SGCZ: variants seen among roughly 807,000 people sequenced by gnomAD.
SGCZ encodes the protein sarcoglycan zeta.
A neutral mutation model predicts 41.3 loss-of-function variants in SGCZ; 40 were observed. The ratio of observed to expected loss-of-function variants is 0.97; its 90% CI spans 0.75 to 1.26. The LOEUF (loss-of-function observed/expected upper bound fraction) is 1.26. Ranked by LOEUF, SGCZ falls within the 50% of genes most tolerant of loss-of-function variation. SGCZ has a pLI of 0.00. For missense variants in SGCZ, 552 were observed against 369.8 expected, an observed-to-expected ratio of 1.49 and a Z score of -4.04; for synonymous variants, 206 against 137.5, an observed-to-expected ratio of 1.50 and a Z score of -3.49.
At chr8:14,923,308 A>G (rs913704631) in intron 1 of SGCZ, among the ~76,000 whole-genome samples, 1 of 152,098 alleles carries the variant, frequency 6.6e-6, no homozygotes, top group Admixed American at 6.5e-5. Context: ...TAAGATGGAA[A>G]TTTTTTCCAT....
intron 3 of SGCZ, among the ~76,000 whole-genome samples, chr8:14,318,496 A>G (rs2117017889): frequency 6.6e-6 from 1 of 152,098 alleles, no homozygotes; most frequent in Non-Finnish European, 1.5e-5. Flanking sequence ...CTCCAGAAAC[A>G]TATTAATGAA....
At chr8:14,864,060 T>C (rs1479098456) in intron 1 of SGCZ, among the ~76,000 whole-genome samples, 1 of 152,158 alleles carries the variant, frequency 6.6e-6, no homozygotes, top group Non-Finnish European at 1.5e-5. Context: ...CATCAATATA[T>C]TTCCTGGTAG....
At chr8:14,534,957 G>A (rs1204296941) in intron 2 of SGCZ, among the ~76,000 whole-genome samples, 1 of 151,962 alleles carries the variant, frequency 6.6e-6, no homozygotes, top group Non-Finnish European at 1.5e-5. Flanking sequence ...AATCGATAAT[G>A]CAAGAATGAC....
chr8:14,609,909 A>C (rs1805871789), intron 1 of SGCZ, among the ~76,000 whole-genome samples: 1 of 152,196 alleles, frequency 6.6e-6, no homozygotes, highest in Non-Finnish European at 1.5e-5. Flanking sequence ...AGCTTTGAGC[A>C]CCCTAATTTG....
chr8:14,091,753 C>T (rs1400351017), intron 7 of SGCZ, among the ~76,000 whole-genome samples: 3 of 152,092 alleles, frequency 2.0e-5, no homozygotes, highest in African/African-American at 7.2e-5. Context: ...GGACAGATTG[C>T]AAAAATTTTC....
At chr8:15,036,823 C>G (rs886813779) in intron 1 of SGCZ, among the ~76,000 whole-genome samples, 1 of 152,024 alleles carries the variant, frequency 6.6e-6, no homozygotes, top group Non-Finnish European at 1.5e-5. Flanking sequence ...CCCTGATTAA[C>G]ATAGGTGCAA....
chr8:15,168,468 A>T (rs268403), intron 1 of SGCZ, among the ~76,000 whole-genome samples: 61 of 152,188 alleles, frequency 4.0e-4, no homozygotes, highest in African/African-American at 1.2e-3. Context: ...AGCTCCCCCC[A>T]CAACCCAACC....
rs191256793 is a variant in SGCZ at position 15,068,713 on chromosome 8, T to C, written c.39+168872A>G. On this transcript the variant is annotated intron_variant, in intron 1 of 7. Transcript: ENST00000382080. ...AGTGGATGTTTTAAAGAAGAAAGTA[T>C]CTATTTGCAAAAATCTTCAAAGATA... Among the ~76,000 whole-genome samples, 438 of 152,320 alleles carry C rather than the reference T, an allele frequency of 2.9e-3. 2 individuals carry two copies. Among genetic ancestry groups the C allele is most frequent in the African/African-American group, 8.7e-3 (363 of 41,580 alleles).
intron 5 of SGCZ, among the ~76,000 whole-genome samples, chr8:14,108,693 C>G (rs899062856): frequency 1.4e-4 from 22 of 152,150 alleles, no homozygotes; most frequent in African/African-American, 5.3e-4. Context: ...AGAGAGGACA[C>G]AGAGCCAAAC....
chr8:14,771,817 T>C (rs1800249632), intron 1 of SGCZ, among the ~76,000 whole-genome samples: 1 of 152,142 alleles, frequency 6.6e-6, no homozygotes, highest in East Asian at 1.9e-4. Context: ...ATAATTTGCA[T>C]TGAATACTAA....
chr8:15,230,052 A>T (rs17121159), intron 1 of SGCZ, among the ~76,000 whole-genome samples: 17,803 of 152,164 alleles, frequency 0.12, 1,577 homozygotes, highest in African/African-American at 0.25. Context: ...TTTGAAGTAA[A>T]CCGGAATGTG....
intron 1 of SGCZ, among the ~76,000 whole-genome samples, chr8:14,697,331 C>G (rs773760221): frequency 5.9e-5 from 9 of 151,976 alleles, no homozygotes; most frequent in Non-Finnish European, 1.2e-4. Context: ...TGAAACTAAT[C>G]ATACCTATCT....
chr8:15,025,221 G>A (rs886177005), intron 1 of SGCZ, among the ~76,000 whole-genome samples: 4 of 152,124 alleles, frequency 2.6e-5, no homozygotes, highest in Non-Finnish European at 2.9e-5. Flanking sequence ...TGAGCTTCCC[G>A]CACACACACA....
chr8:14,895,247 C>T (rs1805153247), intron 1 of SGCZ, among the ~76,000 whole-genome samples: 1 of 152,160 alleles, frequency 6.6e-6, no homozygotes, highest in African/African-American at 2.4e-5. Context: ...AATCCTACCT[C>T]TGCCATGTAA....
At chr8:14,901,836 C>T (rs952856325) in intron 1 of SGCZ, among the ~76,000 whole-genome samples, 6 of 151,922 alleles carry the variant, frequency 3.9e-5, no homozygotes, top group African/African-American at 1.5e-4. Flanking sequence ...CTAATGTAAA[C>T]CAACTGTACA....
At chr8:14,556,627 T>C (rs1388037636) in intron 1 of SGCZ, among the ~76,000 whole-genome samples, 1 of 152,010 alleles carries the variant, frequency 6.6e-6, no homozygotes, top group East Asian at 1.9e-4. Flanking sequence ...GTCCATTGTG[T>C]CATTCTTATT....
chr8:14,454,290 T>C (rs1800680934), intron 2 of SGCZ, among the ~76,000 whole-genome samples: 1 of 152,146 alleles, frequency 6.6e-6, no homozygotes, highest in African/African-American at 2.4e-5. Flanking sequence ...ATCTGGACTT[T>C]AGGAACTGGG....
At chr8:14,858,789 T>C (rs1254692656) in intron 1 of SGCZ, among the ~76,000 whole-genome samples, 1 of 152,132 alleles carries the variant, frequency 6.6e-6, no homozygotes, top group East Asian at 1.9e-4. Context: ...CATTTCATTA[T>C]ATGATATCAA....
intron 2 of SGCZ, among the ~76,000 whole-genome samples, chr8:14,406,500 T>G (rs896819681): frequency 3.3e-5 from 5 of 152,248 alleles, no homozygotes; most frequent in Non-Finnish European, 7.4e-5. Flanking sequence ...TGGAATATAG[T>G]GGGCACTGAA....
Sources: gnomAD v4.1 joint callset for allele counts (sites outside exome capture counted in the v4.1 genomes callset) on GRCh38, gnomAD v4.1.1 for gene constraint, MANE v1.5 for transcripts, NCBI Gene and HGNC (gene_info 2026-07-23, HGNC 2026-07-21) for gene names.